GNB4: variants seen among roughly 807,000 people sequenced by gnomAD.
GNB4 encodes the protein G protein subunit beta 4.
In GNB4, 28 loss-of-function variants were observed where a neutral mutation model predicts 45.2. The ratio of observed to expected loss-of-function variants is 0.62; its 90% CI spans 0.46 to 0.85. The LOEUF is 0.85. Among genes scored for constraint, GNB4 ranks in the 40% least tolerant of loss-of-function variants. The pLI, the probability that GNB4 is intolerant of heterozygous loss-of-function variation, is 0.00. For synonymous variants in GNB4, 132 were observed against 143.7 expected, an observed-to-expected ratio of 0.92 and a Z score of 0.58; for missense variants, 321 against 425.4, an observed-to-expected ratio of 0.75 and a Z score of 2.16.
intron 6 of GNB4, among the ~76,000 whole-genome samples, chr3:179,414,503 C>A (rs1413997977): frequency 6.6e-6 from 1 of 152,154 alleles, no homozygotes; most frequent in Non-Finnish European, 1.5e-5. Flanking sequence ...AATACACTAT[C>A]ATGGTGAAAA....
At chr3:179,469,090 T>C in the GNB4 span, among the ~76,000 whole-genome samples, 2 of 152,186 alleles carry the variant, frequency 1.3e-5, no homozygotes, top group African/African-American at 4.8e-5. Context: ...TGGAAGGCAC[T>C]CTGCTCCCCT....
chr3:179,428,639 G>A (rs577512171), intron 1 of GNB4, among the ~76,000 whole-genome samples: 2 of 152,230 alleles, frequency 1.3e-5, no homozygotes, highest in East Asian at 1.9e-4. Context: ...GGACCCTAAA[G>A]GGCCTCGGGA....
chr3:179,408,875 G>A (rs1034666746), intron 8 of GNB4, among the ~76,000 whole-genome samples: 1 of 151,714 alleles, frequency 6.6e-6, no homozygotes, highest in Non-Finnish European at 1.5e-5. Context: ...GGCCAGGCAT[G>A]GTGGCTCACT....
chr3:179,513,134 T>C, the GNB4 span, among the ~76,000 whole-genome samples: 1 of 151,830 alleles, frequency 6.6e-6, no homozygotes, highest in Non-Finnish European at 1.5e-5. Context: ...GTATTACATA[T>C]ACTTAAAATT....
At chr3:179,486,254 T>G in the GNB4 span, among the ~76,000 whole-genome samples, 164 of 151,974 alleles carry the variant, frequency 1.1e-3, no homozygotes, top group Middle Eastern at 0.014. Flanking sequence ...AGATGCATGT[T>G]CTGTAATTTG....
upstream of GNB4, among the ~76,000 whole-genome samples, chr3:179,452,710 TAAAGA>T (rs774962358): frequency 3.3e-5 from 5 of 152,166 alleles, no homozygotes; most frequent in African/African-American, 9.7e-5. Context: ...TATCCACAGA[TAAAGA>T]AACTGTGGAT....
chr3:179,464,290 C>T, the GNB4 span: 12 of 548,104 alleles, frequency 2.2e-5, no homozygotes, highest in African/African-American at 3.8e-5. Flanking sequence ...GAGACTCCAT[C>T]TCTACTAAAA....
chr3:179,526,136 G>A, the GNB4 span, among the ~76,000 whole-genome samples: 1 of 152,228 alleles, frequency 6.6e-6, no homozygotes, highest in African/African-American at 2.4e-5. Context: ...AAAGGGGGTT[G>A]TTCTCTGGCG....
intron 5 of GNB4, among the ~76,000 whole-genome samples, chr3:179,415,341 A>G (rs542483065): frequency 6.6e-6 from 1 of 152,224 alleles, no homozygotes; most frequent in African/African-American, 2.4e-5. Context: ...ATATACTGCC[A>G]TTTGAAAAAT....
At position 179,400,874 on chromosome 3, in the gene GNB4, AC is replaced by A; in HGVS notation, c.*338del. 1 of 176,824 alleles carries A rather than the reference AC, an allele frequency of 5.7e-6. No homozygotes were observed. Among genetic ancestry groups the A allele is most frequent in the Non-Finnish European group, 1.2e-5 (1 of 84,860 alleles). The allele number at this position is 176,824 out of a possible 1,614,324, so 11.0% of individuals were successfully genotyped here. A position where few individuals can be genotyped will look rare whatever the true frequency, so the allele number is the denominator to read the frequency against. ...CTTGTGTATACAAAGTTAAAAATGT[AC>A]TTCTTAAAAAATGCAAACACAATGG... On this transcript the variant is annotated 3_prime_UTR_variant, in exon 10 of 10. Coordinates refer to ENST00000232564, the MANE Select transcript of GNB4 (RefSeq NM_021629.4).
the GNB4 span, among the ~76,000 whole-genome samples, chr3:179,496,983 G>A: frequency 6.6e-6 from 1 of 151,992 alleles, no homozygotes; most frequent in African/African-American, 2.4e-5. Context: ...TAGACTAGAA[G>A]GACCTAAAAG....
chr3:179,470,816 C>A, the GNB4 span, among the ~76,000 whole-genome samples: 4 of 151,900 alleles, frequency 2.6e-5, no homozygotes, highest in Admixed American at 6.6e-5. Flanking sequence ...AGTGTGTCTG[C>A]GTTTTAAGCT....
Position 179,405,410 on chromosome 3 carries a change from G to C in GNB4, c.700-4C>G. Reference sequence around the variant, plus strand: ...AGGCATATCCATTTGGGAAAAACTAGACAGGAAAGTAACAAACATTTATTC... The same window carrying C: ...AGGCATATCCATTTGGGAAAAACTACACAGGAAAGTAACAAACATTTATTC... On this transcript the variant is annotated splice_region_variant and splice_polypyrimidine_tract_variant and intron_variant, in intron 8 of 9. Transcript: ENST00000232564. The C allele has an allele frequency of 6.3e-7, 1 of 1,595,386 alleles. No individual in the cohort carries two copies. The highest frequency in any genetic ancestry group is 8.6e-7 in the Non-Finnish European group (1 of 1,165,190).
chr3:179,449,859 C>G (rs998064676), intron 1 of GNB4, among the ~76,000 whole-genome samples: 16 of 152,162 alleles, frequency 1.1e-4, no homozygotes, highest in African/African-American at 3.6e-4. Context: ...CACTTAGTTC[C>G]AATTCTTAAT....
the GNB4 span, among the ~76,000 whole-genome samples, chr3:179,525,890 T>TGA: frequency 6.6e-6 from 1 of 151,996 alleles, no homozygotes; most frequent in Non-Finnish European, 1.5e-5. Flanking sequence ...GATCTCCTCA[T>TGA]GGAGTGAGGG....
chr3:179,406,999 A>T (rs572047718), intron 8 of GNB4, among the ~76,000 whole-genome samples: 2 of 152,308 alleles, frequency 1.3e-5, no homozygotes, highest in South Asian at 4.1e-4. Flanking sequence ...GATATTTTTT[A>T]AAAATTTACT....
At chr3:179,515,861 T>C in the GNB4 span, among the ~76,000 whole-genome samples, 1 of 152,142 alleles carries the variant, frequency 6.6e-6, no homozygotes, top group Admixed American at 6.5e-5. Flanking sequence ...GAGATTAAGC[T>C]GAAGGAATAT....
At chr3:179,457,067 G>A in the GNB4 span, among the ~76,000 whole-genome samples, 15 of 152,126 alleles carry the variant, frequency 9.9e-5, no homozygotes, top group Admixed American at 6.6e-4. Flanking sequence ...ATGTTTATTT[G>A]TTGGTAGAAA....
intron 1 of GNB4, among the ~76,000 whole-genome samples, chr3:179,447,510 G>A (rs1052483059): frequency 6.6e-6 from 1 of 151,946 alleles, no homozygotes; most frequent in African/African-American, 2.4e-5. Context: ...CACCACGCCT[G>A]GCTAAAACGT....
Sources: gnomAD v4.1 joint callset for allele counts (sites outside exome capture counted in the v4.1 genomes callset) on GRCh38, gnomAD v4.1.1 for gene constraint, MANE v1.5 for transcripts, NCBI Gene and HGNC (gene_info 2026-07-23, HGNC 2026-07-21) for gene names.